PLA2G6: variants seen among roughly 807,000 people sequenced by gnomAD.
PLA2G6 encodes the protein phospholipase A2 group VI.
A neutral mutation model predicts 83.8 loss-of-function variants in PLA2G6; 62 were observed. That is an observed-to-expected ratio of 0.74 (90% CI 0.60 to 0.91). The LOEUF (loss-of-function observed/expected upper bound fraction) is 0.91. Among genes scored for constraint, PLA2G6 ranks in the 40% least tolerant of loss-of-function variants. The pLI is 0.00. For missense variants in PLA2G6, 944 were observed against 1,102.0 expected (o/e 0.86, Z 2.03); for synonymous variants, 417 against 449.8 (o/e 0.93, Z 0.92).
At chr22:38,154,296 G>A (rs897811003) in intron 2 of PLA2G6, among the ~76,000 whole-genome samples, 1 of 152,214 alleles carries the variant, frequency 6.6e-6, no homozygotes, top group African/African-American at 2.4e-5. Flanking sequence ...CCTTGGGTGA[G>A]ACCCAGTGCT....
intron 2 of PLA2G6, among the ~76,000 whole-genome samples, chr22:38,160,534 C>G (rs1032944210): frequency 2.0e-5 from 3 of 152,168 alleles, no homozygotes; most frequent in African/African-American, 4.8e-5. Flanking sequence ...AAAATGCTAA[C>G]AAAGAAGCCA....
intron 1 of PLA2G6, among the ~76,000 whole-genome samples, chr22:38,174,123 G>A (rs763248064): frequency 2.6e-5 from 4 of 152,136 alleles, no homozygotes; most frequent in Non-Finnish European, 2.9e-5. Flanking sequence ...CGGGCTGGGC[G>A]CAGTGGCTCA....
chr22:38,120,409 G>T (rs2087453785), intron 12 of PLA2G6, among the ~76,000 whole-genome samples: 1 of 152,252 alleles, frequency 6.6e-6, no homozygotes, highest in Non-Finnish European at 1.5e-5. Flanking sequence ...TGCCCAGGTG[G>T]TCTCAGAGAA....
At chr22:38,113,372 T>C in intron 15 of PLA2G6, 115 bp downstream of exon 15, 2 of 1,039,850 alleles carry the variant, frequency 1.9e-6, no homozygotes, top group South Asian at 1.3e-5. Flanking sequence ...CTAAAGGCGA[T>C]GGACAGAGCC....
At chr22:38,133,379 G>T (rs2088344965) in intron 6 of PLA2G6, 2 of 296,384 alleles carry the variant, frequency 6.7e-6, no homozygotes, top group Non-Finnish European at 1.3e-5. Context: ...CCTCTCACTG[G>T]GCCTTGGCAA....
At position 38,140,052 on chromosome 22, in the gene PLA2G6, T is replaced by C; in HGVS notation, c.727A>G (p.Asn243Asp). ...QEMVRVLLLC[N>D]ARCNIMGPNG... ...GGGCCCATGATGTTGCACCGAGCAT[T>C]GCACAGCAGCAGCACGCGGACCATC... The change falls in exon 5 of 17, where the codon AAT becomes GAT. Residue 243 changes from asparagine (N) to aspartate (D), a missense_variant. Physicochemically the swap from Asn to Asp is conservative, Grantham distance 23. Transcript: ENST00000332509. 1 of 1,613,734 alleles carries C rather than the reference T, an allele frequency of 6.2e-7. No homozygotes were observed. Among genetic ancestry groups the C allele is most frequent in the Non-Finnish European group, 8.5e-7 (1 of 1,179,876 alleles).
intron 2 of PLA2G6, chr22:38,150,318 C>G: frequency 6.6e-6 from 1 of 152,154 alleles, no homozygotes; most frequent in East Asian, 1.9e-4. Flanking sequence ...CTCTTGGGAC[C>G]CAGCCATCAT....
intron 2 of PLA2G6, among the ~76,000 whole-genome samples, chr22:38,155,579 T>C (rs2089746060): frequency 1.3e-5 from 2 of 152,202 alleles, no homozygotes; most frequent in African/African-American, 2.4e-5. Context: ...TGTTTGTCTG[T>C]TTATGCAATC....
Position 38,132,597 on chromosome 22 carries a change from A to C in PLA2G6, c.1077+234T>G. The C allele has an allele frequency of 1.7e-6, 1 of 582,282 alleles. No homozygotes were observed. The highest frequency in any genetic ancestry group is 3.1e-6 in the Non-Finnish European group (1 of 326,028). The allele number at this position is 582,282 out of a possible 1,614,324, so 36.1% of individuals were successfully genotyped here. On this transcript the variant is annotated intron_variant, in intron 7 of 16. Transcript: ENST00000332509. This position sits in a 1 kb window ranked among gnomAD's most constrained non-coding sequence, Gnocchi z 5.0. ...TGCCATGCAAGTGCCAAATGGGGGC[A>C]CAGGTGGAAAAGGTACCACAGCACA...
chr22:38,127,280 C>A, intron 9 of PLA2G6: 1 of 1,245,294 alleles, frequency 8.0e-7, no homozygotes, highest in South Asian at 1.4e-5. Flanking sequence ...TGAGAGAGGC[C>A]GGGGACAGGG....
At chr22:38,174,347 G>A (rs1013365186) in intron 1 of PLA2G6, among the ~76,000 whole-genome samples, 8 of 151,478 alleles carry the variant, frequency 5.3e-5, no homozygotes, top group Admixed American at 2.6e-4. Flanking sequence ...GCAGTGAGCC[G>A]AGATCATGTC....
intron 2 of PLA2G6, among the ~76,000 whole-genome samples, chr22:38,162,223 G>GAAAAAAAAAAAAAAAAAAAAAAAAAAAAA (rs1275564882): frequency 2.0e-5 from 2 of 99,462 alleles, no homozygotes; most frequent in Non-Finnish European, 2.1e-5. Flanking sequence ...AAAAAAAAAA[G>GAAAAAAAAAAAAAAAAAAAAAAAAAAAAA]AAAAAAAAAA....
intron 2 of PLA2G6, among the ~76,000 whole-genome samples, chr22:38,162,432 T>A (rs2090055393): frequency 6.6e-6 from 1 of 151,832 alleles, no homozygotes; most frequent in Non-Finnish European, 1.5e-5. Flanking sequence ...ATGAACGGGA[T>A]GGGGCTGGGA....
rs2087644988 is a variant in PLA2G6 at position 38,123,452 on chromosome 22, G to A, written c.1428-194C>T. 6.6e-6 allele frequency among the ~76,000 whole-genome samples: 1 copy of A among 152,184 alleles called. No homozygotes were observed. Among genetic ancestry groups the A allele is most frequent in the Admixed American group, 6.5e-5 (1 of 15,268 alleles). ...AAAGGAACAAATGTCTAGTATTTCA[G>A]GGGCTGGAGAGTGCAACAGAGAAAG... On this transcript the variant is annotated intron_variant, in intron 10 of 16. Coordinates refer to ENST00000332509, the MANE Select transcript of PLA2G6 (RefSeq NM_003560.4). This position sits in a 1 kb window ranked among gnomAD's most constrained non-coding sequence, Gnocchi z 4.1.
chr22:38,121,890 TG>T (rs1417959296), intron 11 of PLA2G6, among the ~76,000 whole-genome samples: 15 of 152,294 alleles, frequency 9.8e-5, no homozygotes, highest in African/African-American at 3.6e-4. Flanking sequence ...CTGGGCACAC[TG>T]CTGGAGACCC....
At chr22:38,153,997 G>C (rs900746459) in intron 2 of PLA2G6, among the ~76,000 whole-genome samples, 1 of 152,230 alleles carries the variant, frequency 6.6e-6, no homozygotes, top group Non-Finnish European at 1.5e-5. Context: ...GCCATGGAGA[G>C]AGACTTCTCT....
chr22:38,112,740 C>T, intron 15 of PLA2G6, 163 bp from the exon 16 acceptor site: 2 of 677,450 alleles, frequency 3.0e-6, no homozygotes, highest in Non-Finnish European at 5.4e-6. Context: ...AAAACCCCTT[C>T]CTGGGACTGC....
At chr22:38,167,291 G>A (rs566200486) in intron 2 of PLA2G6, among the ~76,000 whole-genome samples, 2 of 152,048 alleles carry the variant, frequency 1.3e-5, no homozygotes, top group South Asian at 2.1e-4. Flanking sequence ...AATAGCTTAC[G>A]TGTAGCTAAG....
chr22:38,112,846 A>C lies in PLA2G6; in HGVS notation c.2203-269T>G, dbSNP rs11570760. On this transcript the variant is annotated intron_variant, in intron 15 of 16. Coordinates refer to ENST00000332509, the MANE Select transcript of PLA2G6 (RefSeq NM_003560.4). ...GGGAAAGGGTAGCGGCTGAGTCGAC[A>C]GGCCTCCATGTCCCCTCTCCCTGAA... The C allele has an allele frequency of 7.6e-3, 4,404 of 582,118 alleles. 33 individuals carry two copies. Among genetic ancestry groups the C allele is most frequent in the Non-Finnish European group, 9.7e-3 (3,145 of 324,496 alleles). The allele number at this position is 582,118 out of a possible 1,614,324, so 36.1% of individuals were successfully genotyped here. A position where few individuals can be genotyped will look rare whatever the true frequency, so the allele number is the denominator to read the frequency against.
Sources: allele counts gnomAD v4.1 joint callset (sites outside exome capture counted in the v4.1 genomes callset), GRCh38; gene constraint gnomAD v4.1.1; non-coding constraint Gnocchi (gnomAD v3.1); transcripts MANE v1.5; gene names NCBI Gene and HGNC (gene_info 2026-07-23, HGNC 2026-07-21).